Variants in RNF144A observed in about 807,000 individuals in gnomAD.
RNF144A encodes ring finger protein 144A.
A neutral mutation model predicts 38.7 loss-of-function variants in RNF144A; 11 were observed. The ratio of observed to expected loss-of-function variants is 0.28; its 90% CI spans 0.18 to 0.47. The LOEUF (loss-of-function observed/expected upper bound fraction) is 0.47, where lower values mean the gene tolerates loss of function less well. RNF144A is among the 20% of genes least tolerant of loss of function. The pLI is 0.99. For missense variants in RNF144A, 316 were observed against 377.2 expected (o/e 0.84, Z 1.34); for synonymous variants, 149 against 143.9 (o/e 1.04, Z -0.25).
At position 7,040,017 on chromosome 2, in the gene RNF144A, C is replaced by T. The variant is rs1572464904; in HGVS notation, c.*257C>T. 1.6e-6 allele frequency: 2 copies of T among 1,215,332 alleles called. No homozygotes were observed. The highest frequency in any genetic ancestry group is 8.8e-5 in the East Asian group (2 of 22,844). The allele number at this position is 1,215,332 out of a possible 1,614,324, so 75.3% of individuals were successfully genotyped here. A position where few individuals can be genotyped will look rare whatever the true frequency, so the allele number is the denominator to read the frequency against. On this transcript the variant is annotated 3_prime_UTR_variant, in exon 9 of 9. Coordinates refer to ENST00000320892, the MANE Select transcript of RNF144A (RefSeq NM_014746.6). ...AATCTCTGCAGATGACAGGGAGGTG[C>T]TGTGAGAAGTGCACCAGGCAGCTTT... is the stretch of plus-strand genomic sequence containing the variant.
chr2:7,024,384 GGAA>G lies in RNF144A; in HGVS notation c.531_533del (p.Glu177del), dbSNP rs1572426219. On this transcript the variant is annotated inframe_deletion, in exon 7 of 9. Transcript: ENST00000320892. ...TCTCCCACAGTGCTGCTTTCAAAATGGAAGAAGATGACGCGCCCATCAAGCGCT... is the reference window on the plus strand; with the variant it reads ...TCTCCCACAGTGCTGCTTTCAAAATGGAAGATGACGCGCCCATCAAGCGCT... 38 of 1,607,462 alleles carry G rather than the reference GGAA, an allele frequency of 2.4e-5. No homozygotes were observed. Among genetic ancestry groups the G allele is most frequent in the Non-Finnish European group, 3.2e-5 (38 of 1,174,210 alleles).
intron 5 of RNF144A, among the ~76,000 whole-genome samples, chr2:7,018,458 C>A (rs1201137452): frequency 1.3e-5 from 2 of 152,176 alleles, no homozygotes; most frequent in Non-Finnish European, 2.9e-5. Flanking sequence ...ATGACCCAGG[C>A]CAGCTGCCTT....
At chr2:6,963,270 C>G (rs774058838) in intron 2 of RNF144A, among the ~76,000 whole-genome samples, 4 of 152,100 alleles carry the variant, frequency 2.6e-5, no homozygotes, top group African/African-American at 9.7e-5. Flanking sequence ...TGTTTGTGTC[C>G]GTTTGGAGGT....
rs550945861 is a variant in RNF144A at position 7,040,427 on chromosome 2, G to A, written c.*667G>A. On this transcript the variant is annotated 3_prime_UTR_variant, in exon 9 of 9. Transcript: ENST00000320892. Reference sequence around the variant, plus strand: ...TTGCTGTAGTAACTTTTTGAACGCTGTAAGCTGTGTACTGTTATAAGTGTG... The same window carrying A: ...TTGCTGTAGTAACTTTTTGAACGCTATAAGCTGTGTACTGTTATAAGTGTG... 9.1e-6 allele frequency: 9 copies of A among 985,434 alleles called. No homozygotes were observed. In the South Asian group the frequency reaches 1.4e-4, roughly 15 times the overall value. 61.0% of individuals were successfully genotyped at this position (985,434 alleles called of 1,614,324 possible).
chr2:7,008,094 C>T (rs1670564538), intron 3 of RNF144A, among the ~76,000 whole-genome samples: 1 of 152,218 alleles, frequency 6.6e-6, no homozygotes, highest in African/African-American at 2.4e-5. Context: ...CAGTGGCGTC[C>T]CTAGAGAGCC....
chr2:7,068,105 G>T, intron 6 of RNF144A: 1 of 513,752 alleles, frequency 1.9e-6, no homozygotes, highest in Non-Finnish European at 3.6e-6. Context: ...CTTCCCTGTT[G>T]CAAAATCCCT....
intron 5 of RNF144A, 40 bp downstream of exon 5, chr2:7,014,812 T>C: frequency 3.6e-6 from 5 of 1,390,102 alleles, no homozygotes; most frequent in Non-Finnish European, 5.1e-6. Context: ...ATTCCTGTAA[T>C]GTGTGAATGT....
intron 6 of RNF144A, among the ~76,000 whole-genome samples, chr2:7,054,950 C>T (rs1051136724): frequency 6.6e-5 from 10 of 152,150 alleles, no homozygotes; most frequent in Non-Finnish European, 1.0e-4. Context: ...GCTCCTACAC[C>T]ACTGTTCCAC....
chr2:6,983,515 A>T (rs1668767743), intron 2 of RNF144A, among the ~76,000 whole-genome samples: 1 of 152,102 alleles, frequency 6.6e-6, no homozygotes, highest in Non-Finnish European at 1.5e-5. Context: ...TTCCTTTCTG[A>T]TGGCAGAGGA....
chr2:6,978,115 C>T (rs761883546), intron 2 of RNF144A, among the ~76,000 whole-genome samples: 5 of 152,048 alleles, frequency 3.3e-5, no homozygotes, highest in South Asian at 2.1e-4. Context: ...TGGGCACCCT[C>T]GTGAGGTAAA....
At chr2:7,014,581 G>A in intron 4 of RNF144A, 23 bp downstream of exon 4, 1 of 1,574,010 alleles carries the variant, frequency 6.4e-7, no homozygotes. Flanking sequence ...GAACAGACTG[G>A]GCTGTTTGAT....
At chr2:6,991,747 A>T (rs1669393500) in intron 2 of RNF144A, among the ~76,000 whole-genome samples, 1 of 152,212 alleles carries the variant, frequency 6.6e-6, no homozygotes, top group Non-Finnish European at 1.5e-5. Context: ...ATGTACATTT[A>T]ACAGTCTCTC....
At chr2:6,998,649 T>G (rs1484829205) in intron 3 of RNF144A, among the ~76,000 whole-genome samples, 1 of 152,154 alleles carries the variant, frequency 6.6e-6, no homozygotes, top group Non-Finnish European at 1.5e-5. Flanking sequence ...GGAAGACAGC[T>G]CCAACCTAGA....
intron 2 of RNF144A, among the ~76,000 whole-genome samples, chr2:6,987,151 G>A (rs1463104662): frequency 6.6e-6 from 1 of 151,994 alleles, no homozygotes; most frequent in African/African-American, 2.4e-5. Flanking sequence ...TCAGCACTCT[G>A]GGGAATGGCT....
chr2:7,044,932 T>C (rs956540024), downstream of RNF144A, among the ~76,000 whole-genome samples: 2 of 151,970 alleles, frequency 1.3e-5, no homozygotes, highest in African/African-American at 4.8e-5. Flanking sequence ...TCTCAAGGGG[T>C]TGACAGATAA....
intron 2 of RNF144A, among the ~76,000 whole-genome samples, chr2:6,966,846 G>T (rs1471325464): frequency 6.6e-6 from 1 of 152,144 alleles, no homozygotes; most frequent in Non-Finnish European, 1.5e-5. Context: ...TGTTACTCCT[G>T]GTGGGGATTT....
intron 2 of RNF144A, among the ~76,000 whole-genome samples, chr2:6,991,115 C>CTG (rs1405369655): frequency 2.0e-5 from 3 of 152,206 alleles, no homozygotes; most frequent in Non-Finnish European, 4.4e-5. Context: ...CAAATTTTGG[C>CTG]AGTTACGGCT....
rs541700274 is a variant in RNF144A, at chr2:6,962,852, A to G, written c.-12+21705A>G. On this transcript the variant is annotated intron_variant, in intron 2 of 8. Coordinates refer to ENST00000320892, the MANE Select transcript of RNF144A (RefSeq NM_014746.6). This position sits in a 1 kb window ranked among gnomAD's most constrained non-coding sequence, Gnocchi z 4.1. ...GACTGGCCCAGCCTTGCTGGTCTCCATGGTTTATGCCATCATGATGCCAGT... is the reference window on the plus strand; with the variant it reads ...GACTGGCCCAGCCTTGCTGGTCTCCGTGGTTTATGCCATCATGATGCCAGT... Among the ~76,000 whole-genome samples, 251 of 152,240 alleles carry G rather than the reference A, an allele frequency of 1.6e-3. No individual in the cohort carries two copies. The highest frequency in any genetic ancestry group is 6.8e-3 in the Middle Eastern group (2 of 294).
chr2:7,013,162 A>G (rs1430955099), intron 3 of RNF144A, among the ~76,000 whole-genome samples: 2 of 152,230 alleles, frequency 1.3e-5, no homozygotes, highest in Admixed American at 6.5e-5. Flanking sequence ...TATATCAAGC[A>G]TATACTCTTC....
Sources: allele counts gnomAD v4.1 joint callset (sites outside exome capture counted in the v4.1 genomes callset), GRCh38; gene constraint gnomAD v4.1.1; non-coding constraint Gnocchi (gnomAD v3.1); transcripts MANE v1.5; gene names NCBI Gene and HGNC (gene_info 2026-07-23, HGNC 2026-07-21).